NFKBIA: variants seen among roughly 807,000 people sequenced by gnomAD.
NFKBIA encodes NFKB inhibitor alpha.
Under a neutral mutation model 36.3 loss-of-function variants are expected in NFKBIA, and 10 were observed. The ratio of observed to expected loss-of-function variants is 0.28; its 90% CI spans 0.17 to 0.47. The LOEUF (loss-of-function observed/expected upper bound fraction) is 0.47. NFKBIA is among the 20% of genes least tolerant of loss of function. The probability of loss-of-function intolerance (pLI) is 0.99; values close to 1 mark genes in which losing one functional copy is unlikely to be tolerated. For synonymous variants in NFKBIA, 205 were observed against 164.4 expected (o/e 1.25, Z -1.89); for missense variants, 355 against 399.3 (o/e 0.89, Z 0.94).
At position 35,402,763 on chromosome 14, in the gene NFKBIA, G is replaced by T; in HGVS notation, c.636+8C>A. On this transcript the variant is annotated splice_region_variant and intron_variant, in intron 4 of 5. Coordinates refer to ENST00000216797, the MANE Select transcript of NFKBIA (RefSeq NM_020529.3). ...TGACTCAGTGCGTCGGGGGCAGGAA[G>T]CACCAACCTGAGCATTGACATCAGC... 6.2e-7 allele frequency: 1 copy of T among 1,614,040 alleles called. No individual in the cohort carries two copies. Among genetic ancestry groups the T allele is most frequent in the Non-Finnish European group, 8.5e-7 (1 of 1,179,894 alleles).
In NFKBIA at chr14:35,403,765, C is replaced by G; in HGVS notation, c.261G>C (p.Lys87Asn). Residue 87 changes from lysine to asparagine, a missense_variant, in exon 2 of 6, where the codon AAG becomes AAC. By Grantham distance (94) the Lys-to-Asn change is moderately conservative. Coordinates refer to ENST00000216797, the MANE Select transcript of NFKBIA (RefSeq NM_020529.3). ...GGCGGATCACTTCCATGGTCAGTGCCTTTTCTTCATGGATGATGGCCAAGT... is the reference window on the plus strand; with the variant it reads ...GGCGGATCACTTCCATGGTCAGTGCGTTTTCTTCATGGATGATGGCCAAGT... ...FLHLAIIHEE[K>N]ALTMEVIRQV... 6.2e-7 allele frequency: 1 copy of G among 1,613,962 alleles called. No homozygotes were observed. Among genetic ancestry groups the G allele is most frequent in the Non-Finnish European group, 8.5e-7 (1 of 1,179,948 alleles).
Position 35,403,184 on chromosome 14 carries a change from G to C in NFKBIA, c.513C>G (p.His171Gln). ...GVLTQSCTTP[H>Q]LHSILKATNY... ...TGGTAGCCTTCAGGATGGAGTGGAG[G>C]TGCGGGGTGGTGCAGGACTGAGTCA... The change falls in exon 3 of 6, where the codon CAC (histidine) becomes CAG (glutamine). Residue 171 changes from histidine to glutamine, a missense_variant. By Grantham distance (24) the His-to-Gln change is conservative. Transcript: ENST00000216797. 1 of 1,612,312 alleles carries C rather than the reference G, an allele frequency of 6.2e-7. No individual in the cohort carries two copies. Among genetic ancestry groups the C allele is most frequent in the South Asian group, 1.1e-5 (1 of 90,998 alleles).
At chr14:35,402,321 G>C (rs1594426201) in intron 5 of NFKBIA, 73 bp downstream of exon 5, 1 of 1,569,774 alleles carries the variant, frequency 6.4e-7, no homozygotes, top group East Asian at 2.2e-5. Flanking sequence ...ATAAGGAGCA[G>C]CTCTAGGGGC....
Position 35,404,731 on chromosome 14 carries a change from C to T in NFKBIA, c.-87G>A. 2 of 968,884 alleles carry T rather than the reference C, an allele frequency of 2.1e-6. No individual in the cohort carries two copies. Among genetic ancestry groups the T allele is most frequent in the Non-Finnish European group, 2.7e-6 (2 of 727,958 alleles). 60.0% of individuals were successfully genotyped at this position (968,884 alleles called of 1,614,324 possible). A position where few individuals can be genotyped will look rare whatever the true frequency, so the allele number is the denominator to read the frequency against. On this transcript the variant is annotated 5_prime_UTR_variant, in exon 1 of 6. Transcript: ENST00000216797. ...CTCGCTGGGGCGCTGGCGGGCGGGA[C>T]GGCGGCACGGACTGCTGTGGGCTCT...
At position 35,404,717 on chromosome 14, in the gene NFKBIA, G is replaced by T. The variant is rs1372613093; in HGVS notation, c.-73C>A. 8 of 1,124,368 alleles carry T rather than the reference G, an allele frequency of 7.1e-6. No homozygotes were observed. In the East Asian group the frequency reaches 2.6e-4, roughly 36 times the overall value. 69.6% of individuals were successfully genotyped at this position (1,124,368 alleles called of 1,614,324 possible). A position where few individuals can be genotyped will look rare whatever the true frequency, so the allele number is the denominator to read the frequency against. ...CTGCGCGCTGCTTCCTCGCTGGGGC[G>T]CTGGCGGGCGGGACGGCGGCACGGA... On this transcript the variant is annotated 5_prime_UTR_variant, in exon 1 of 6. Transcript: ENST00000216797.
At chr14:35,403,841 C>T in intron 1 of NFKBIA, 43 bp from the exon 2 acceptor site, 2 of 1,441,720 alleles carry the variant, frequency 1.4e-6, no homozygotes, top group Non-Finnish European at 9.7e-7. Flanking sequence ...GGTGAGTGCA[C>T]CGCGTGGGGC....
rs1258782236 is a variant in NFKBIA, at chr14:35,404,716, C to T, written c.-72G>A. ...GCTGCGCGCTGCTTCCTCGCTGGGGCGCTGGCGGGCGGGACGGCGGCACGG... is the reference window on the plus strand; with the variant it reads ...GCTGCGCGCTGCTTCCTCGCTGGGGTGCTGGCGGGCGGGACGGCGGCACGG... On this transcript the variant is annotated 5_prime_UTR_variant, in exon 1 of 6. Coordinates refer to ENST00000216797, the MANE Select transcript of NFKBIA (RefSeq NM_020529.3). 3.6e-6 allele frequency: 4 copies of T among 1,111,738 alleles called. No homozygotes were observed. The highest frequency in any genetic ancestry group is 5.1e-5 in the South Asian group (2 of 39,086). 68.9% of individuals were successfully genotyped at this position (1,111,738 alleles called of 1,614,324 possible). A position where few individuals can be genotyped will look rare whatever the true frequency, so the allele number is the denominator to read the frequency against.
At position 35,404,712 on chromosome 14, in the gene NFKBIA, G is replaced by A. The variant is rs1039417676; in HGVS notation, c.-68C>T. 1.7e-5 allele frequency: 20 copies of A among 1,171,800 alleles called. No homozygotes were observed. The highest frequency in any genetic ancestry group is 2.1e-5 in the Non-Finnish European group (19 of 908,978). The allele number at this position is 1,171,800 out of a possible 1,614,324, so 72.6% of individuals were successfully genotyped here. A position where few individuals can be genotyped will look rare whatever the true frequency, so the allele number is the denominator to read the frequency against. On this transcript the variant is annotated 5_prime_UTR_variant, in exon 1 of 6. Transcript: ENST00000216797. Reference sequence around the variant, plus strand: ...GCGGGCTGCGCGCTGCTTCCTCGCTGGGGCGCTGGCGGGCGGGACGGCGGC... The same window carrying A: ...GCGGGCTGCGCGCTGCTTCCTCGCTAGGGCGCTGGCGGGCGGGACGGCGGC...
rs903497018 is a variant in NFKBIA at position 35,401,556 on chromosome 14, A to G, written c.*457T>C. 2 of 233,606 alleles carry G rather than the reference A, an allele frequency of 8.6e-6. No individual in the cohort carries two copies. Among genetic ancestry groups the G allele is most frequent in the African/African-American group, 4.5e-5 (2 of 44,290 alleles). The allele number at this position is 233,606 out of a possible 1,614,324, so 14.5% of individuals were successfully genotyped here. On this transcript the variant is annotated 3_prime_UTR_variant, in exon 6 of 6. Transcript: ENST00000216797. Reference sequence around the variant, plus strand: ...ATAAATATACATCATAAAAGTACCAAAATAATTACCAACAATACATTATGT... The same window carrying G: ...ATAAATATACATCATAAAAGTACCAGAATAATTACCAACAATACATTATGT...
In NFKBIA at chr14:35,404,590, C is replaced by T. The variant is rs2138834333; in HGVS notation, c.55G>A (p.Gly19Arg). ...QEWAMEGPRD[G>R]LKKERLLDDR... ...TCCAGTAGCCGCTCCTTCTTCAGCC[C>T]GTCGCGGGGGCCCTCCATGGCCCAC... Residue 19 changes from glycine (G) to arginine (R), a missense_variant, in exon 1 of 6, where the codon GGG (glycine) becomes AGG (arginine). Coordinates refer to ENST00000216797, the MANE Select transcript of NFKBIA (RefSeq NM_020529.3). The T allele has an allele frequency of 1.9e-6, 3 of 1,581,914 alleles. No individual in the cohort carries two copies. Among genetic ancestry groups the T allele is most frequent in the South Asian group, 1.2e-5 (1 of 86,780 alleles).
intron 4 of NFKBIA, 41 bp downstream of exon 4, chr14:35,402,730 G>A (rs760222040): frequency 9.9e-6 from 16 of 1,613,676 alleles, no homozygotes; most frequent in South Asian, 9.9e-5. Context: ...ACATAAGCAC[G>A]AGGAGCCTGA....
chr14:35,404,732 G>GGCGGGACA lies in NFKBIA; in HGVS notation c.-89_-88insTGTCCCGC. ...TCGCTGGGGCGCTGGCGGGCGGGACGGCGGCACGGACTGCTGTGGGCTCTG... is the reference window on the plus strand; with the variant it reads ...TCGCTGGGGCGCTGGCGGGCGGGACGGCGGGACAGCGGCACGGACTGCTGTGGGCTCTG... On this transcript the variant is annotated 5_prime_UTR_variant, in exon 1 of 6. Transcript: ENST00000216797. The GGCGGGACA allele has an allele frequency of 1.0e-6, 1 of 969,880 alleles. No individual in the cohort carries two copies. The highest frequency in any genetic ancestry group is 1.4e-6 in the Non-Finnish European group (1 of 728,392). 60.1% of individuals were successfully genotyped at this position (969,880 alleles called of 1,614,324 possible).
rs755146648 is a variant in NFKBIA at position 35,404,437 on chromosome 14, G to A, written c.208C>T (p.Leu70Phe). The A allele has an allele frequency of 6.3e-7, 1 of 1,587,528 alleles. No homozygotes were observed. The highest frequency in any genetic ancestry group is 2.4e-5 in the East Asian group (1 of 42,404). The change falls in exon 1 of 6, where the codon CTC (leucine) becomes TTC (phenylalanine). Residue 70 changes from leucine (L) to phenylalanine (F), a missense_variant. Leu to Phe is a conservative substitution (Grantham distance 22). Transcript: ENST00000216797. ...PRGSEPWKQQLTEDGDSFLHL... is the reference protein window; with the variant it reads ...PRGSEPWKQQFTEDGDSFLHL... ...ACTTACGAGTCCCCGTCCTCGGTGA[G>A]CTGCTGCTTCCAGGGCTCCGAGCCG...
In NFKBIA at chr14:35,404,700, T is replaced by C; in HGVS notation, c.-56A>G. ...GTGCGCTGGGCCGCGGGCTGCGCGC[T>C]GCTTCCTCGCTGGGGCGCTGGCGGG... is the stretch of plus-strand genomic sequence containing the variant. On this transcript the variant is annotated 5_prime_UTR_variant, in exon 1 of 6. Coordinates refer to ENST00000216797, the MANE Select transcript of NFKBIA (RefSeq NM_020529.3). 2 of 1,248,198 alleles carry C rather than the reference T, an allele frequency of 1.6e-6. No individual in the cohort carries two copies. The highest frequency in any genetic ancestry group is 2.1e-6 in the Non-Finnish European group (2 of 970,762). 77.3% of individuals were successfully genotyped at this position (1,248,198 alleles called of 1,614,324 possible). A position where few individuals can be genotyped will look rare whatever the true frequency, so the allele number is the denominator to read the frequency against.
chr14:35,403,718 A>G lies in NFKBIA; in HGVS notation c.308T>C (p.Phe103Ser). Reference protein sequence around the residue: ...VIRQVKGDLAFLNFQNNLQQT... With the variant: ...VIRQVKGDLASLNFQNNLQQT... ...CTGCAGGTTGTTCTGGAAGTTGAGG[A>G]AGGCCAGGTCTCCCTTCACCTGGCG... Residue 103 changes from phenylalanine (F) to serine (S), a missense_variant, in exon 2 of 6, where the codon TTC becomes TCC. By Grantham distance (155) the Phe-to-Ser change is radical (BLOSUM62 -2). Transcript: ENST00000216797. 6.2e-7 allele frequency: 1 copy of G among 1,613,782 alleles called. No individual in the cohort carries two copies. The highest frequency in any genetic ancestry group is 8.5e-7 in the Non-Finnish European group (1 of 1,179,766).
Position 35,403,174 on chromosome 14 carries a change from T to C in NFKBIA, c.523A>G (p.Ile175Val). 6.2e-7 allele frequency: 1 copy of C among 1,611,762 alleles called. No homozygotes were observed. Among genetic ancestry groups the C allele is most frequent in the Non-Finnish European group, 8.5e-7 (1 of 1,179,740 alleles). ...QSCTTPHLHSILKATNYNGHT... is the reference protein window; with the variant it reads ...QSCTTPHLHSVLKATNYNGHT... The stretch of plus-strand genomic sequence containing the variant: ...CCATTGTAGTTGGTAGCCTTCAGGA[T>C]GGAGTGGAGGTGCGGGGTGGTGCAG... Residue 175 changes from isoleucine to valine, a missense_variant, in exon 3 of 6, where the codon ATC becomes GTC. Coordinates refer to ENST00000216797, the MANE Select transcript of NFKBIA (RefSeq NM_020529.3).
Position 35,403,729 on chromosome 14 carries a change from T to G in NFKBIA, c.297A>C (p.Gly99=), listed in dbSNP as rs757465465. 5.6e-6 allele frequency: 9 copies of G among 1,613,766 alleles called. No individual in the cohort carries two copies. The highest frequency in any genetic ancestry group is 1.7e-5 in the Admixed American group (1 of 59,996). The change falls in exon 2 of 6, where the codon GGA becomes GGC. Residue 99 remains glycine, a synonymous_variant. Transcript: ENST00000216797. ...LTMEVIRQVK[G]DLAFLNFQNN... is the part of the protein sequence containing the mutation. The stretch of plus-strand genomic sequence containing the variant: ...TCTGGAAGTTGAGGAAGGCCAGGTC[T>G]CCCTTCACCTGGCGGATCACTTCCA...
Position 35,401,771 on chromosome 14 carries a change from A to G in NFKBIA, c.*242T>C. Reference sequence around the variant, plus strand: ...ATAACCTTCTCCAAAAACCCCACAAAGGTGAGGTTTAAAAGAAGTTTTCTC... The same window carrying G: ...ATAACCTTCTCCAAAAACCCCACAAGGGTGAGGTTTAAAAGAAGTTTTCTC... On this transcript the variant is annotated 3_prime_UTR_variant, in exon 6 of 6. Coordinates refer to ENST00000216797, the MANE Select transcript of NFKBIA (RefSeq NM_020529.3). 1 of 563,470 alleles carries G rather than the reference A, an allele frequency of 1.8e-6. No homozygotes were observed. The highest frequency in any genetic ancestry group is 3.2e-6 in the Non-Finnish European group (1 of 316,258). 34.9% of individuals were successfully genotyped at this position (563,470 alleles called of 1,614,324 possible).
chr14:35,403,285 C>G lies in NFKBIA; in HGVS notation c.412G>C (p.Glu138Gln). ...EALLGAGCDPELRDFRGNTPL... is the reference protein window; with the variant it reads ...EALLGAGCDPQLRDFRGNTPL... ...GTATTTCCTCGAAAGTCTCGGAGCT[C>G]AGGATCACAGCCAGCTCCCAGAAGT... The change falls in exon 3 of 6, where the codon GAG (glutamate) becomes CAG (glutamine). Residue 138 changes from glutamate to glutamine, a missense_variant. By Grantham distance (29) the Glu-to-Gln change is conservative. Transcript: ENST00000216797. The G allele has an allele frequency of 6.2e-7, 1 of 1,613,972 alleles. No individual in the cohort carries two copies.
Sources: allele counts gnomAD v4.1 joint callset, GRCh38; gene constraint gnomAD v4.1.1; transcripts MANE v1.5; gene names NCBI Gene and HGNC (gene_info 2026-07-23, HGNC 2026-07-21).